The following LIN7A variants were observed in gnomAD, a reference collection of about 807,000 sequenced individuals.
The protein encoded by LIN7A is protein lin-7 homolog A.
A neutral mutation model predicts 29.8 loss-of-function variants in LIN7A; 25 were observed. That is an observed-to-expected ratio of 0.84 (90% CI 0.61 to 1.17). LIN7A has a LOEUF of 1.17. LIN7A is among the 50% of genes most tolerant of loss of function. The pLI, the probability that LIN7A is intolerant of heterozygous loss-of-function variation, is 0.00. For synonymous variants in LIN7A, 118 were observed against 107.5 expected, an observed-to-expected ratio of 1.10 and a Z score of -0.60; for missense variants, 239 against 287.0, an observed-to-expected ratio of 0.83 and a Z score of 1.21.
At chr12:80,878,053 G>C (rs963061218) in intron 2 of LIN7A, among the ~76,000 whole-genome samples, 1 of 152,148 alleles carries the variant, frequency 6.6e-6, no homozygotes, top group African/African-American at 2.4e-5. Context: ...CTGGAAATAC[G>C]CACTGTTTAT....
At chr12:80,829,364 T>C (rs2121526429) in intron 4 of LIN7A, among the ~76,000 whole-genome samples, 1 of 152,306 alleles carries the variant, frequency 6.6e-6, no homozygotes, top group South Asian at 2.1e-4. Flanking sequence ...ATGGTTTTTC[T>C]CCCGACATCG....
intron 4 of LIN7A, 28 bp from the exon 5 acceptor site, chr12:80,811,711 G>A: frequency 6.3e-7 from 1 of 1,582,174 alleles, no homozygotes; most frequent in Non-Finnish European, 8.7e-7. Flanking sequence ...CTTCTTAAAG[G>A]GAGGAGGTTC....
rs1205585522 is a variant in LIN7A, at chr12:80,792,562, T to TA, written c.*5164_*5165insT. 1 of 152,174 alleles carries TA rather than the reference T, an allele frequency of 6.6e-6. No homozygotes were observed. Among genetic ancestry groups the TA allele is most frequent in the Non-Finnish European group, 1.5e-5 (1 of 68,018 alleles). 9.4% of individuals were successfully genotyped at this position (152,174 alleles called of 1,614,324 possible). ...TTACTTCCCAGCAGCATAATACCAC[T>TA]TTGGTCAGGTTGAACCACTGCACAA... On this transcript the variant is annotated 3_prime_UTR_variant, in exon 6 of 6. Transcript: ENST00000552864.
At chr12:80,926,644 ACT>A (rs1179658579) in intron 1 of LIN7A, among the ~76,000 whole-genome samples, 1 of 152,066 alleles carries the variant, frequency 6.6e-6, no homozygotes, top group Non-Finnish European at 1.5e-5. Flanking sequence ...AGAAATGTTC[ACT>A]CTCTCACCTC....
chr12:80,838,012 A>G (rs912172186), intron 4 of LIN7A, among the ~76,000 whole-genome samples: 8 of 152,216 alleles, frequency 5.3e-5, no homozygotes, highest in Admixed American at 1.3e-4. Context: ...ATAACAGCAC[A>G]AATAGAAGGA....
intron 4 of LIN7A, among the ~76,000 whole-genome samples, chr12:80,815,896 T>C (rs1444336874): frequency 1.3e-5 from 2 of 152,108 alleles, no homozygotes; most frequent in African/African-American, 4.8e-5. Flanking sequence ...CCTGAGGGTA[T>C]ATAGTAGGTA....
At chr12:80,807,078 T>TTTTTTTTTTTTTTG (rs1871056101) in intron 5 of LIN7A, among the ~76,000 whole-genome samples, 2 of 115,098 alleles carry the variant, frequency 1.7e-5, no homozygotes, top group African/African-American at 8.1e-5. Flanking sequence ...TTTTTTTTTT[T>TTTTTTTTTTTTTTG]TTTTTTTTTT....
intron 2 of LIN7A, among the ~76,000 whole-genome samples, chr12:80,881,363 G>T (rs1013792216): frequency 4.6e-5 from 7 of 152,152 alleles, no homozygotes; most frequent in African/African-American, 1.7e-4. Flanking sequence ...CTTAAGCTAA[G>T]TTTAATGTGA....
chr12:80,932,540 G>A (rs1194058163), intron 1 of LIN7A, among the ~76,000 whole-genome samples: 1 of 152,186 alleles, frequency 6.6e-6, no homozygotes, highest in East Asian at 1.9e-4. Context: ...ATGCAGATTG[G>A]AAGCTACTAA....
In LIN7A at chr12:80,840,449, G is replaced by A. The variant is rs577443605; in HGVS notation, c.483+5281C>T. On this transcript the variant is annotated intron_variant, in intron 4 of 5. Coordinates refer to ENST00000552864, the MANE Select transcript of LIN7A (RefSeq NM_004664.4). The stretch of plus-strand genomic sequence containing the variant: ...TGGATGTGAGTTCATGTGTGCTTTT[G>A]TGTGTATCCATTGGGTTGTGTGTGT... 1.5e-4 allele frequency among the ~76,000 whole-genome samples: 23 copies of A among 152,312 alleles called. No individual in the cohort carries two copies. The South Asian group carries it at 4.8e-3, about 32-fold the overall frequency.
chr12:80,793,081 A>G lies in LIN7A; in HGVS notation c.*4646T>C, dbSNP rs1373979584. ...TGTAATGGTGTCCCCCAAACCACAG[A>G]TAATGATTAGACACATGAACTCTTG... On this transcript the variant is annotated 3_prime_UTR_variant, in exon 6 of 6. Coordinates refer to ENST00000552864, the MANE Select transcript of LIN7A (RefSeq NM_004664.4). 6.6e-6 allele frequency: 1 copy of G among 152,198 alleles called. No homozygotes were observed. The highest frequency in any genetic ancestry group is 1.5e-5 in the Non-Finnish European group (1 of 68,024). The allele number at this position is 152,198 out of a possible 1,614,324, so 9.4% of individuals were successfully genotyped here.
intron 1 of LIN7A, among the ~76,000 whole-genome samples, chr12:80,923,361 T>C (rs867010505): frequency 4.9e-4 from 75 of 152,124 alleles, no homozygotes; most frequent in Admixed American, 3.3e-4. Context: ...ATTCCTCTGA[T>C]AAATCCTCTC....
At chr12:80,909,364 T>C (rs1336458624) in intron 1 of LIN7A, among the ~76,000 whole-genome samples, 1 of 152,232 alleles carries the variant, frequency 6.6e-6, no homozygotes, top group Non-Finnish European at 1.5e-5. Context: ...TCTTAATTAC[T>C]GTATCTTAAT....
chr12:80,880,695 A>G (rs1035106649), intron 2 of LIN7A, among the ~76,000 whole-genome samples: 3 of 151,248 alleles, frequency 2.0e-5, no homozygotes, highest in African/African-American at 7.3e-5. Context: ...TTGCAGTATC[A>G]AGATTTTTGT....
At chr12:80,798,865 T>G (rs1471969956) in intron 5 of LIN7A, among the ~76,000 whole-genome samples, 2 of 151,938 alleles carry the variant, frequency 1.3e-5, no homozygotes, top group East Asian at 3.9e-4. Context: ...CCTGAGTAGC[T>G]GGGACTACAG....
intron 1 of LIN7A, among the ~76,000 whole-genome samples, chr12:80,908,831 A>G (rs183881515): frequency 2.0e-5 from 3 of 150,148 alleles, no homozygotes. Flanking sequence ...GTTTTTTTTT[A>G]AAAGTTGGTT....
intron 4 of LIN7A, among the ~76,000 whole-genome samples, chr12:80,828,883 C>T (rs1024773694): frequency 3.3e-5 from 5 of 151,994 alleles, no homozygotes; most frequent in Non-Finnish European, 5.9e-5. Context: ...GGTGTTTCTA[C>T]ACGTGGAGAG....
chr12:80,823,227 G>C (rs903266348), intron 4 of LIN7A, among the ~76,000 whole-genome samples: 2 of 152,214 alleles, frequency 1.3e-5, no homozygotes, highest in Non-Finnish European at 2.9e-5. Flanking sequence ...CACAAACAGG[G>C]CTCAAACATG....
chr12:80,920,828 T>C (rs970163053), intron 1 of LIN7A, among the ~76,000 whole-genome samples: 2 of 152,160 alleles, frequency 1.3e-5, no homozygotes, highest in African/African-American at 4.8e-5. Flanking sequence ...AAAATAAAAC[T>C]AAGCAAAAAA....
Sources: gnomAD v4.1 joint callset for allele counts (sites outside exome capture counted in the v4.1 genomes callset) on GRCh38, gnomAD v4.1.1 for gene constraint, MANE v1.5 for transcripts, NCBI Gene and HGNC (gene_info 2026-07-23, HGNC 2026-07-21) for gene names.